Variants in CEP192 observed in about 807,000 individuals in gnomAD.
CEP192 encodes centrosomal protein 192.
A neutral mutation model predicts 271.8 loss-of-function variants in CEP192; 151 were observed. That is an observed-to-expected ratio of 0.56 (90% confidence interval 0.49 to 0.64). CEP192 has a LOEUF of 0.64. Among genes scored for constraint, CEP192 ranks in the 30% least tolerant of loss-of-function variants. The pLI, the probability that CEP192 is intolerant of heterozygous loss-of-function variation, is 0.00. For synonymous variants in CEP192, 995 were observed against 1,076.5 expected, an observed-to-expected ratio of 0.92 and a Z score of 1.48; for missense variants, 2,910 against 3,020.5, an observed-to-expected ratio of 0.96 and a Z score of 0.86.
chr18:12,998,770 G>GA (rs1568255112), intron 1 of CEP192, among the ~76,000 whole-genome samples: 1 of 152,002 alleles, frequency 6.6e-6, no homozygotes, highest in Middle Eastern at 3.2e-3. Flanking sequence ...TACGTACTCT[G>GA]AAAAATTGTT....
chr18:12,992,366 C>T (rs1182338534), intron 1 of CEP192, among the ~76,000 whole-genome samples: 2 of 152,124 alleles, frequency 1.3e-5, no homozygotes, highest in Non-Finnish European at 2.9e-5. Flanking sequence ...CTTTGGGTTC[C>T]ACGGCGTGTG....
At position 13,072,798 on chromosome 18, in the gene CEP192, C is replaced by T; in HGVS notation, c.5392C>T (p.Gln1798Ter). Residue 1798 changes from glutamine to a stop codon, truncating the protein, a stop_gained, in exon 29 of 45, where the codon CAA (glutamine) becomes TAA (stop). Coordinates refer to ENST00000506447, the MANE Select transcript of CEP192 (RefSeq NM_032142.4). LOFTEE classifies it high-confidence loss of function. ...ALRNNSASTT[Q>*]HLRLLIRGQD... ...AAGAAATAATTCTGCATCTACAACT[C>T]AACATTTACGACTGCTTATTAGAGG... 2 of 1,613,010 alleles carry T rather than the reference C, an allele frequency of 1.2e-6. No homozygotes were observed. The highest frequency in any genetic ancestry group is 1.7e-6 in the Non-Finnish European group (2 of 1,178,956).
chr18:13,120,418 G>A (rs1015313230), intron 44 of CEP192, among the ~76,000 whole-genome samples: 1 of 152,118 alleles, frequency 6.6e-6, no homozygotes, highest in Non-Finnish European at 1.5e-5. Flanking sequence ...TAGACTTGCC[G>A]CTCCAGTGCT....
intron 37 of CEP192, 122 bp from the exon 38 acceptor site, chr18:13,100,183 T>A (rs879105875): frequency 5.9e-6 from 4 of 679,674 alleles, no homozygotes; most frequent in Non-Finnish European, 1.0e-5. Flanking sequence ...CTTTAATTCC[T>A]AAATTTATTG....
chr18:13,099,394 G>C, intron 36 of CEP192, 82 bp from the exon 37 acceptor site: 11 of 693,916 alleles, frequency 1.6e-5, no homozygotes, highest in Non-Finnish European at 2.4e-5. Context: ...GCCATTGGCT[G>C]GTAGACAGTA....
chr18:12,996,088 G>C (rs568424570), intron 1 of CEP192, among the ~76,000 whole-genome samples: 66 of 152,252 alleles, frequency 4.3e-4, no homozygotes, highest in African/African-American at 1.5e-3. Flanking sequence ...TAATGTTATA[G>C]GGTGACTTTC....
intron 30 of CEP192, among the ~76,000 whole-genome samples, chr18:13,075,568 C>T (rs980085131): frequency 1.3e-5 from 2 of 151,452 alleles, no homozygotes; most frequent in Admixed American, 1.3e-4. Context: ...CCATCTCAAA[C>T]AAAAAGAAGC....
At chr18:13,102,370 C>G (rs768504420) in intron 38 of CEP192, among the ~76,000 whole-genome samples, 42 of 152,040 alleles carry the variant, frequency 2.8e-4, no homozygotes, top group Non-Finnish European at 5.3e-4. Flanking sequence ...GAGCCATCAG[C>G]TTCTCCCTCC....
intron 30 of CEP192, among the ~76,000 whole-genome samples, chr18:13,077,055 T>C (rs1299421424): frequency 1.3e-5 from 2 of 152,232 alleles, no homozygotes; most frequent in African/African-American, 4.8e-5. Flanking sequence ...AGTGCTGAGA[T>C]TACGGGCGTG....
intron 21 of CEP192, among the ~76,000 whole-genome samples, chr18:13,066,616 C>T (rs757997524): frequency 2.6e-4 from 40 of 152,246 alleles, no homozygotes; most frequent in Non-Finnish European, 4.6e-4. Flanking sequence ...CCCATGTGGC[C>T]TAGGCGTAGG....
chr18:13,086,476 G>A (rs745514459), intron 30 of CEP192, among the ~76,000 whole-genome samples: 14 of 152,172 alleles, frequency 9.2e-5, no homozygotes, highest in South Asian at 2.1e-4. Context: ...GTAAGGCGAC[G>A]CCCCACCCTG....
chr18:13,120,409 A>T (rs1046863452), intron 44 of CEP192, among the ~76,000 whole-genome samples: 1 of 152,338 alleles, frequency 6.6e-6, no homozygotes, highest in African/African-American at 2.4e-5. Flanking sequence ...GTTAACTTGT[A>T]GACTTGCCGC....
At chr18:13,089,392 CTAAT>C (rs2039038911) in intron 32 of CEP192, 60 bp from the exon 33 acceptor site, 2 of 762,042 alleles carry the variant, frequency 2.6e-6, no homozygotes, top group Admixed American at 2.9e-5. Context: ...TAGTGAAAAT[CTAAT>C]TAAAGTTATT....
intron 15 of CEP192, 84 bp downstream of exon 15, chr18:13,042,418 A>T (rs1255057195): frequency 7.3e-7 from 1 of 1,373,264 alleles, no homozygotes; most frequent in Non-Finnish European, 1.0e-6. Context: ...CCTGTGAAAA[A>T]TTTATGCCGT....
chr18:13,110,992 G>T (rs562345275), intron 40 of CEP192, among the ~76,000 whole-genome samples: 1 of 152,280 alleles, frequency 6.6e-6, no homozygotes, highest in African/African-American at 2.4e-5. Flanking sequence ...ATTAGGGTGG[G>T]CCTTCCTCTC....
intron 37 of CEP192, among the ~76,000 whole-genome samples, chr18:13,099,886 G>GTGTC (rs1254352613): frequency 6.6e-6 from 1 of 152,184 alleles, no homozygotes; most frequent in East Asian, 1.9e-4. Flanking sequence ...TGCAAATACT[G>GTGTC]TGTCACTTTA....
chr18:13,083,087 C>A (rs953268418), intron 30 of CEP192, among the ~76,000 whole-genome samples: 5 of 152,206 alleles, frequency 3.3e-5, no homozygotes, highest in African/African-American at 1.2e-4. Flanking sequence ...GTGAATCTGA[C>A]AATTATGTGC....
At chr18:13,113,281 C>G (rs187517356) in intron 40 of CEP192, among the ~76,000 whole-genome samples, 1 of 152,204 alleles carries the variant, frequency 6.6e-6, no homozygotes, top group Non-Finnish European at 1.5e-5. Context: ...GGACCTTCCT[C>G]GTGTAGGTGT....
intron 3 of CEP192, among the ~76,000 whole-genome samples, chr18:13,007,266 G>A (rs2034041528): frequency 6.6e-6 from 1 of 152,176 alleles, no homozygotes; most frequent in Admixed American, 6.5e-5. Context: ...ACACTTGGAA[G>A]TTGCTCTTGC....
Sources: allele counts gnomAD v4.1 joint callset (sites outside exome capture counted in the v4.1 genomes callset), GRCh38; gene constraint gnomAD v4.1.1; transcripts MANE v1.5; gene names NCBI Gene and HGNC (gene_info 2026-07-23, HGNC 2026-07-21).